Variants in GRIN2A observed in about 807,000 individuals in gnomAD.
The protein encoded by GRIN2A is glutamate ionotropic receptor NMDA type subunit 2A.
In GRIN2A, 22 loss-of-function variants were observed where a neutral mutation model predicts 113.4. The observed-to-expected ratio is 0.19, with a 90% CI of 0.14 to 0.28. GRIN2A has a LOEUF of 0.28. Ranked by LOEUF, GRIN2A falls within the 10% of genes least tolerant of loss-of-function variation. GRIN2A has a pLI of 1.00. For synonymous variants in GRIN2A, 827 were observed against 738.4 expected, an observed-to-expected ratio of 1.12 and a Z score of -1.94; for missense variants, 1,502 against 1,887.0, an observed-to-expected ratio of 0.80 and a Z score of 3.78.
intron 2 of GRIN2A, among the ~76,000 whole-genome samples, chr16:10,049,045 C>G (rs950811275): frequency 1.3e-5 from 2 of 152,040 alleles, no homozygotes; most frequent in Non-Finnish European, 2.9e-5. Flanking sequence ...CAAAAGAGAG[C>G]CAGAGGGGAG....
chr16:9,920,303 G>A (rs1289557746), intron 3 of GRIN2A, among the ~76,000 whole-genome samples: 3 of 152,178 alleles, frequency 2.0e-5, no homozygotes, highest in African/African-American at 4.8e-5. Context: ...ATGGGTAACA[G>A]ATGCCAGGGG....
intron 2 of GRIN2A, among the ~76,000 whole-genome samples, chr16:10,154,180 C>T (rs2049641608): frequency 6.6e-6 from 1 of 152,186 alleles, no homozygotes; most frequent in South Asian, 2.1e-4. Flanking sequence ...CCACCTACAC[C>T]ACAACAACCA....
At chr16:9,950,621 A>T (rs1243499027) in intron 2 of GRIN2A, among the ~76,000 whole-genome samples, 1 of 152,226 alleles carries the variant, frequency 6.6e-6, no homozygotes, top group East Asian at 1.9e-4. Context: ...GATAGCAAAC[A>T]GGACAGCTAT....
intron 2 of GRIN2A, chr16:10,171,670 T>C (rs2050045517): frequency 6.6e-6 from 1 of 152,212 alleles, no homozygotes; most frequent in Admixed American, 6.5e-5. Context: ...ACATCATCCT[T>C]AATCACTCTT....
At chr16:9,836,748 A>C (rs2042589227) in intron 7 of GRIN2A, among the ~76,000 whole-genome samples, 1 of 152,234 alleles carries the variant, frequency 6.6e-6, no homozygotes, top group South Asian at 2.1e-4. Flanking sequence ...AAACATCGTT[A>C]AAGCAACATC....
intron 2 of GRIN2A, among the ~76,000 whole-genome samples, chr16:9,965,922 G>A (rs884917): frequency 0.44 from 67,596 of 152,008 alleles, 15,442 homozygotes; most frequent in East Asian, 0.57. Flanking sequence ...TTGACTATCT[G>A]GGCTTTTAAA....
chr16:9,790,007 A>G lies in GRIN2A; in HGVS notation c.2356+8270T>C, dbSNP rs932074476. Among the ~76,000 whole-genome samples the G allele has an allele frequency of 4.6e-5, 7 of 152,336 alleles. No homozygotes were observed. In the East Asian group the frequency reaches 7.7e-4, roughly 17 times the overall value. ...TATGAAACTTGTCTACTGTTCTCCC[A>G]TTAGCATGCAGTCTTGCCTGAAATA... On this transcript the variant is annotated intron_variant, in intron 11 of 12. Coordinates refer to ENST00000330684, the MANE Select transcript of GRIN2A (RefSeq NM_001134407.3).
At chr16:9,785,157 C>G (rs1019841222) in intron 11 of GRIN2A, among the ~76,000 whole-genome samples, 42 of 152,188 alleles carry the variant, frequency 2.8e-4, no homozygotes, top group African/African-American at 9.9e-4. Context: ...TATTGCAGCA[C>G]TATTCACAAT....
Position 10,101,667 on chromosome 16 carries a change from C to A in GRIN2A, c.414+78331G>T, listed in dbSNP as rs185230144. On this transcript the variant is annotated intron_variant, in intron 2 of 12. Transcript: ENST00000330684. ...TATAAACTTGGGACAAGAGCCTAATCTCCCAGCAAGGAAAACCTGGGCTGT... is the reference window on the plus strand; with the variant it reads ...TATAAACTTGGGACAAGAGCCTAATATCCCAGCAAGGAAAACCTGGGCTGT... Among the ~76,000 whole-genome samples, 3 of 152,304 alleles carry A rather than the reference C, an allele frequency of 2.0e-5. No individual in the cohort carries two copies. In the East Asian group the frequency reaches 5.8e-4, roughly 29 times the overall value.
At chr16:10,137,987 T>C (rs1319465364) in intron 2 of GRIN2A, among the ~76,000 whole-genome samples, 1 of 152,220 alleles carries the variant, frequency 6.6e-6, no homozygotes. Context: ...CTTGGGCTTA[T>C]AGCCAGAAGC....
intron 2 of GRIN2A, among the ~76,000 whole-genome samples, chr16:10,090,135 T>C (rs541543987): frequency 4.6e-4 from 70 of 152,256 alleles, no homozygotes; most frequent in African/African-American, 1.6e-3. Context: ...AGTCTACTGG[T>C]CTCTGTCCCC....
intron 2 of GRIN2A, among the ~76,000 whole-genome samples, chr16:10,090,441 G>C (rs2048165124): frequency 6.6e-6 from 1 of 152,140 alleles, no homozygotes; most frequent in Admixed American, 6.5e-5. Context: ...GAAAAAGATA[G>C]TCTTTTCAAC....
chr16:10,042,831 C>G lies in GRIN2A; in HGVS notation c.415-104280G>C, dbSNP rs80028978. Among the ~76,000 whole-genome samples the G allele has an allele frequency of 7.1e-3, 1,082 of 152,274 alleles. 7 individuals carry two copies. The highest frequency in any genetic ancestry group is 0.013 in the Non-Finnish European group (902 of 68,026). On this transcript the variant is annotated intron_variant, in intron 2 of 12. Transcript: ENST00000330684. Reference sequence around the variant, plus strand: ...AATCTCTCTTCTGCCACATTTGTGTCTGTATGCAATGCCTCAAACTTCAGG... The same window carrying G: ...AATCTCTCTTCTGCCACATTTGTGTGTGTATGCAATGCCTCAAACTTCAGG...
intron 11 of GRIN2A, among the ~76,000 whole-genome samples, chr16:9,788,547 C>T (rs914061684): frequency 6.6e-6 from 1 of 152,010 alleles, no homozygotes; most frequent in Non-Finnish European, 1.5e-5. Context: ...CATGAGCCAT[C>T]ATGCCTGGCC....
At chr16:9,821,006 C>T (rs2042272829) in intron 10 of GRIN2A, among the ~76,000 whole-genome samples, 1 of 152,146 alleles carries the variant, frequency 6.6e-6, no homozygotes. Flanking sequence ...ACAGAATGCT[C>T]ACAGCCAAAA....
intron 3 of GRIN2A, among the ~76,000 whole-genome samples, chr16:9,895,372 A>G (rs969990268): frequency 2.0e-5 from 3 of 152,218 alleles, no homozygotes; most frequent in African/African-American, 4.8e-5. Context: ...GATGTGTTCA[A>G]TGAGCTGCCG....
chr16:9,833,523 C>T (rs1051466301), intron 8 of GRIN2A, among the ~76,000 whole-genome samples: 1 of 152,192 alleles, frequency 6.6e-6, no homozygotes, highest in Non-Finnish European at 1.5e-5. Flanking sequence ...AGAAAAGTTC[C>T]TTCAAATCTG....
intron 3 of GRIN2A, among the ~76,000 whole-genome samples, chr16:9,903,581 C>A (rs1036148418): frequency 5.9e-5 from 9 of 152,206 alleles, no homozygotes; most frequent in African/African-American, 2.2e-4. Flanking sequence ...TATTATTTTT[C>A]TGCAGCTGTA....
At chr16:10,045,654 G>T (rs1469355596) in intron 2 of GRIN2A, among the ~76,000 whole-genome samples, 2 of 152,210 alleles carry the variant, frequency 1.3e-5, no homozygotes, top group African/African-American at 4.8e-5. Context: ...GTCTGACAGA[G>T]GCATCCAGAA....
Sources: gnomAD v4.1 joint callset for allele counts (sites outside exome capture counted in the v4.1 genomes callset) on GRCh38, gnomAD v4.1.1 for gene constraint, MANE v1.5 for transcripts, NCBI Gene and HGNC (gene_info 2026-07-23, HGNC 2026-07-21) for gene names.